DOCK4: variants seen among roughly 807,000 people sequenced by gnomAD.
DOCK4 encodes dedicator of cytokinesis protein 4.
In DOCK4, 97 loss-of-function variants were observed where a neutral mutation model predicts 268.1. The observed-to-expected ratio is 0.36, with a 90% CI of 0.31 to 0.43. The LOEUF is 0.43. Ranked by LOEUF, DOCK4 falls within the 20% of genes least tolerant of loss-of-function variation. The probability of loss-of-function intolerance (pLI) is 1.00; values close to 1 mark genes in which losing one functional copy is unlikely to be tolerated. For synonymous variants in DOCK4, 954 were observed against 887.2 expected (o/e 1.08, Z -1.34); for missense variants, 2,145 against 2,455.7 (o/e 0.87, Z 2.67).
chr7:111,858,538 T>C (rs1256179895), intron 23 of DOCK4, among the ~76,000 whole-genome samples: 1 of 150,632 alleles, frequency 6.6e-6, no homozygotes, highest in Non-Finnish European at 1.5e-5. Context: ...TAATGGAGAA[T>C]ATGCTCCCTC....
intron 1 of DOCK4, among the ~76,000 whole-genome samples, chr7:112,006,555 T>C (rs1043120658): frequency 2.0e-5 from 3 of 152,356 alleles, no homozygotes; most frequent in East Asian, 3.9e-4. Flanking sequence ...CTACGTAATA[T>C]GTAATAAACA....
intron 15 of DOCK4, among the ~76,000 whole-genome samples, chr7:111,896,073 G>A (rs190386931): frequency 1.3e-5 from 2 of 152,292 alleles, no homozygotes; most frequent in East Asian, 3.9e-4. Context: ...CATAGTAGGT[G>A]CTTAATAAAT....
chr7:111,988,955 C>T, intron 6 of DOCK4, 60 bp downstream of exon 6: 1 of 1,552,034 alleles, frequency 6.4e-7, no homozygotes, highest in Non-Finnish European at 8.7e-7. Flanking sequence ...CTGGCTCAGG[C>T]CTATGTCACT....
At chr7:111,780,370 T>A (rs1798717805) in intron 35 of DOCK4, among the ~76,000 whole-genome samples, 1 of 152,232 alleles carries the variant, frequency 6.6e-6, no homozygotes, top group Admixed American at 6.5e-5. Context: ...TCTCTTATTA[T>A]AACCAAAATC....
chr7:112,143,704 T>C (rs1163647288), intron 1 of DOCK4, among the ~76,000 whole-genome samples: 1 of 152,128 alleles, frequency 6.6e-6, no homozygotes, highest in African/African-American at 2.4e-5. Context: ...GAAAAATGTG[T>C]TTATATAAAG....
Position 112,039,022 on chromosome 7 carries a change from A to G in DOCK4, c.38-34891T>C, listed in dbSNP as rs186258453. Among the ~76,000 whole-genome samples, 606 of 152,322 alleles carry G rather than the reference A, an allele frequency of 4.0e-3. 3 individuals are homozygous for G. The highest frequency in any genetic ancestry group is 7.1e-3 in the Non-Finnish European group (482 of 68,024). The stretch of plus-strand genomic sequence containing the variant: ...TGAAGAGGTAGTCTAGTTTTTTCAC[A>G]GTACAAAGTGAATAACAGGAAAGGG... On this transcript the variant is annotated intron_variant, in intron 1 of 52. Transcript: ENST00000428084.
At position 111,741,967 on chromosome 7, in the gene DOCK4, C is replaced by T. The variant is rs745974382; in HGVS notation, c.4797+46G>A. The T allele has an allele frequency of 1.3e-5, 19 of 1,516,028 alleles. No homozygotes were observed. In the Admixed American group the frequency reaches 1.8e-4, roughly 15 times the overall value. The allele number at this position is 1,516,028 out of a possible 1,614,324, so 93.9% of individuals were successfully genotyped here. On this transcript the variant is annotated intron_variant, in intron 45 of 52. Transcript: ENST00000428084. Reference sequence around the variant, plus strand: ...CATCATCATCCCTTTAACAAGCAAACGGCAGTGATCAGGCTGCCCCGCCAT... The same window carrying T: ...CATCATCATCCCTTTAACAAGCAAATGGCAGTGATCAGGCTGCCCCGCCAT...
chr7:112,022,008 C>T (rs954179375), intron 1 of DOCK4, among the ~76,000 whole-genome samples: 1 of 152,184 alleles, frequency 6.6e-6, no homozygotes, highest in Non-Finnish European at 1.5e-5. Context: ...AAATTGTAAA[C>T]TGCAAAAGAC....
At chr7:112,135,710 A>G (rs934004182) in intron 1 of DOCK4, among the ~76,000 whole-genome samples, 4 of 144,324 alleles carry the variant, frequency 2.8e-5, no homozygotes, top group African/African-American at 1.1e-4. Context: ...AAAAAAGGTA[A>G]CCAATAGCTT....
intron 40 of DOCK4, among the ~76,000 whole-genome samples, chr7:111,759,131 T>G (rs1386000872): frequency 2.6e-5 from 4 of 152,176 alleles, no homozygotes; most frequent in Non-Finnish European, 5.9e-5. Context: ...TACTCAGAAT[T>G]AGGATAATCC....
intron 35 of DOCK4, among the ~76,000 whole-genome samples, chr7:111,779,861 T>G (rs1007520299): frequency 6.6e-6 from 1 of 152,242 alleles, no homozygotes; most frequent in Non-Finnish European, 1.5e-5. Flanking sequence ...AAACAAGACA[T>G]GTTTAGTGAA....
chr7:112,164,789 A>G (rs549262941), intron 1 of DOCK4, among the ~76,000 whole-genome samples: 4 of 152,340 alleles, frequency 2.6e-5, no homozygotes, highest in South Asian at 2.1e-4. Flanking sequence ...ATTTCATCAC[A>G]CAGATGAGGA....
chr7:111,829,410 T>C (rs1337695157), intron 26 of DOCK4, among the ~76,000 whole-genome samples: 1 of 152,144 alleles, frequency 6.6e-6, no homozygotes, highest in Non-Finnish European at 1.5e-5. Context: ...GTCAATCTCA[T>C]GGCGGGGGAG....
chr7:111,764,580 A>G (rs1797653892), intron 39 of DOCK4, among the ~76,000 whole-genome samples: 1 of 152,144 alleles, frequency 6.6e-6, no homozygotes, highest in Admixed American at 6.5e-5. Flanking sequence ...TGAATATTTT[A>G]TTATCTTATA....
intron 1 of DOCK4, among the ~76,000 whole-genome samples, chr7:112,042,859 G>C (rs1317059408): frequency 6.6e-6 from 1 of 152,226 alleles, no homozygotes; most frequent in African/African-American, 2.4e-5. Context: ...TCTTTCTCAT[G>C]AGAGTGTGTT....
intron 39 of DOCK4, 78 bp downstream of exon 39, chr7:111,765,040 G>A (rs1051688972): frequency 2.2e-5 from 14 of 644,580 alleles, no homozygotes; most frequent in Non-Finnish European, 3.5e-5. Flanking sequence ...CATATAAAAT[G>A]TCATTAACAT....
intron 43 of DOCK4, 144 bp from the exon 44 acceptor site, chr7:111,746,561 G>T: frequency 1.6e-6 from 1 of 635,580 alleles, no homozygotes; most frequent in African/African-American, 1.8e-5. Context: ...TACTAGTGTA[G>T]GTGGTTGGTC....
chr7:111,957,868 A>C (rs1163487064), intron 8 of DOCK4, among the ~76,000 whole-genome samples: 1 of 152,334 alleles, frequency 6.6e-6, no homozygotes, highest in East Asian at 1.9e-4. Flanking sequence ...TTGTAGTCCA[A>C]AAATCTCTAC....
At chr7:111,754,211 T>C (rs1796877778) in intron 42 of DOCK4, among the ~76,000 whole-genome samples, 1 of 152,240 alleles carries the variant, frequency 6.6e-6, no homozygotes, top group Non-Finnish European at 1.5e-5. Flanking sequence ...GCACAACATG[T>C]AAGCAGCCAG....
Sources: gnomAD v4.1 joint callset for allele counts (sites outside exome capture counted in the v4.1 genomes callset) on GRCh38, gnomAD v4.1.1 for gene constraint, MANE v1.5 for transcripts, NCBI Gene and HGNC (gene_info 2026-07-23, HGNC 2026-07-21) for gene names.